The following NTNG1 variants were observed in gnomAD, a reference collection of about 807,000 sequenced individuals.
NTNG1 encodes the protein netrin G1, also known as netrin-G1.
In NTNG1, 16 loss-of-function variants were observed where a neutral mutation model predicts 54.0. That is an observed-to-expected ratio of 0.30 (90% CI 0.20 to 0.45). The LOEUF is 0.45. Among genes scored for constraint, NTNG1 ranks in the 20% least tolerant of loss-of-function variants. NTNG1 has a pLI of 1.00. For missense variants in NTNG1, 530 were observed against 678.7 expected (o/e 0.78, Z 2.43); for synonymous variants, 255 against 263.1 (o/e 0.97, Z 0.30).
chr1:107,262,837 C>T (rs901341099), intron 2 of NTNG1, among the ~76,000 whole-genome samples: 1 of 152,106 alleles, frequency 6.6e-6, no homozygotes, highest in Non-Finnish European at 1.5e-5. Flanking sequence ...TGTTGGTTAC[C>T]CTCTGTTGGT....
chr1:107,312,566 C>A (rs1667077698), intron 2 of NTNG1, among the ~76,000 whole-genome samples: 1 of 152,128 alleles, frequency 6.6e-6, no homozygotes, highest in South Asian at 2.1e-4. Flanking sequence ...TGACCCAGAG[C>A]CATGCCTCTT....
chr1:107,177,336 C>CT (rs1008000999), intron 2 of NTNG1, among the ~76,000 whole-genome samples: 3,299 of 146,258 alleles, frequency 0.023, 99 homozygotes, highest in African/African-American at 0.068. Context: ...TAAGAAGCAA[C>CT]TTTTTTTTTT....
At chr1:107,240,161 T>A (rs541475348) in intron 2 of NTNG1, among the ~76,000 whole-genome samples, 133 of 152,220 alleles carry the variant, frequency 8.7e-4, no homozygotes, top group South Asian at 2.9e-3. Context: ...TGCTTTTTTT[T>A]AAAAAAATGT....
intron 5 of NTNG1, among the ~76,000 whole-genome samples, chr1:107,411,544 A>G (rs1051011532): frequency 7.9e-5 from 12 of 152,178 alleles, no homozygotes; most frequent in Admixed American, 5.2e-4. Context: ...AAGAGTTATT[A>G]ATAATCGCAT....
chr1:107,147,536 A>G (rs569053692), intron 1 of NTNG1, among the ~76,000 whole-genome samples: 1 of 152,248 alleles, frequency 6.6e-6, no homozygotes, highest in African/African-American at 2.4e-5. Context: ...AATTCTTCCA[A>G]TGTAATGAGC....
intron 3 of NTNG1, among the ~76,000 whole-genome samples, chr1:107,346,688 G>A (rs937523372): frequency 3.3e-5 from 5 of 151,986 alleles, no homozygotes; most frequent in African/African-American, 7.2e-5. Flanking sequence ...AATAGCATTT[G>A]GAGGTTTATT....
At chr1:107,434,837 T>C (rs767715048) in intron 6 of NTNG1, among the ~76,000 whole-genome samples, 2 of 152,170 alleles carry the variant, frequency 1.3e-5, no homozygotes, top group Admixed American at 6.6e-5. Flanking sequence ...ATATCCACCA[T>C]TGACCATCAT....
chr1:107,451,116 T>G (rs1676599194), intron 7 of NTNG1, among the ~76,000 whole-genome samples: 1 of 151,352 alleles, frequency 6.6e-6, no homozygotes, highest in Non-Finnish European at 1.5e-5. Context: ...TTCTTTTTTT[T>G]TTTTTTTTAG....
chr1:107,244,116 C>T (rs554589865), intron 2 of NTNG1, among the ~76,000 whole-genome samples: 3 of 152,130 alleles, frequency 2.0e-5, no homozygotes, highest in Non-Finnish European at 2.9e-5. Context: ...CTATCATTGC[C>T]GCTAATGTGT....
chr1:107,281,104 A>T (rs1487038741), intron 2 of NTNG1, among the ~76,000 whole-genome samples: 1 of 152,096 alleles, frequency 6.6e-6, no homozygotes, highest in Non-Finnish European at 1.5e-5. Context: ...GTCCTCTTAT[A>T]GCACATTCTG....
intron 2 of NTNG1, among the ~76,000 whole-genome samples, chr1:107,152,136 T>G (rs1481880076): frequency 6.6e-6 from 1 of 152,096 alleles, no homozygotes; most frequent in Non-Finnish European, 1.5e-5. Context: ...TATATTTTCT[T>G]TTTAATTTGA....
At chr1:107,231,482 C>T (rs892750282) in intron 2 of NTNG1, among the ~76,000 whole-genome samples, 6 of 152,136 alleles carry the variant, frequency 3.9e-5, no homozygotes, top group Non-Finnish European at 8.8e-5. Context: ...AGATTGTATA[C>T]TTTTTCTAGG....
At chr1:107,248,994 C>CAAAAAA (rs1196454799) in intron 2 of NTNG1, among the ~76,000 whole-genome samples, 1,425 of 109,000 alleles carry the variant, frequency 0.013, 38 homozygotes, top group African/African-American at 0.045. Flanking sequence ...ACTAAAAGTA[C>CAAAAAA]AAAAAAAAAA....
intron 3 of NTNG1, among the ~76,000 whole-genome samples, chr1:107,350,074 C>G (rs971648673): frequency 1.3e-5 from 2 of 152,074 alleles, no homozygotes; most frequent in Non-Finnish European, 2.9e-5. Flanking sequence ...TATTTTCAAA[C>G]TTATTAATTT....
chr1:107,195,025 A>C (rs975554985), intron 2 of NTNG1, among the ~76,000 whole-genome samples: 2 of 151,960 alleles, frequency 1.3e-5, no homozygotes, highest in African/African-American at 4.8e-5. Context: ...AAATTTGTTA[A>C]AGTTTCACTG....
chr1:107,437,064 C>T (rs1295497797), intron 7 of NTNG1, among the ~76,000 whole-genome samples: 2 of 152,014 alleles, frequency 1.3e-5, no homozygotes, highest in Non-Finnish European at 1.5e-5. Flanking sequence ...CCGTCCAGAC[C>T]ATAAATTAAG....
intron 1 of NTNG1, chr1:107,143,266 G>A (rs1248717448): frequency 6.6e-6 from 1 of 152,076 alleles, no homozygotes; most frequent in Non-Finnish European, 1.5e-5. Context: ...TAATATTTTT[G>A]TTTTGTCAGT....
In NTNG1 at chr1:107,480,669, C is replaced by T. The variant is rs143647912; in HGVS notation, c.1449C>T (p.Asn483=). The stretch of plus-strand genomic sequence containing the variant: ...AGAACGGAGGGACGTGCCACAACAA[C>T]GTGCGCTGCCTGTGCCCGGCCGCAT... ...HCQNGGTCHN[N]VRCLCPAAYT... The change falls in exon 8 of 8, where the codon AAC becomes AAT. Residue 483 remains asparagine (N), a synonymous_variant. Coordinates refer to ENST00000370068, the MANE Select transcript of NTNG1 (RefSeq NM_001113226.3). 8.1e-5 allele frequency: 114 copies of T among 1,407,494 alleles called. No homozygotes were observed. Among genetic ancestry groups the T allele is most frequent in the African/African-American group, 2.4e-4 (16 of 66,808 alleles). 87.2% of individuals were successfully genotyped at this position (1,407,494 alleles called of 1,614,324 possible).
chr1:107,321,694 A>G (rs534285689), intron 2 of NTNG1, among the ~76,000 whole-genome samples: 1 of 152,280 alleles, frequency 6.6e-6, no homozygotes, highest in African/African-American at 2.4e-5. Flanking sequence ...CTTAATTTCA[A>G]GGTATATCAG....
Sources: gnomAD v4.1 joint callset for allele counts (sites outside exome capture counted in the v4.1 genomes callset) on GRCh38, gnomAD v4.1.1 for gene constraint, MANE v1.5 for transcripts, NCBI Gene and HGNC (gene_info 2026-07-23, HGNC 2026-07-21) for gene names.